Variants in INSC observed in about 807,000 individuals in gnomAD.
INSC encodes protein inscuteable homolog.
Under a neutral mutation model 58.6 loss-of-function variants are expected in INSC, and 67 were observed. The observed-to-expected ratio is 1.14, with a 90% CI of 0.94 to 1.40. The LOEUF (loss-of-function observed/expected upper bound fraction) is 1.40. INSC is among the 40% of genes most tolerant of loss of function. The pLI, the probability that INSC is intolerant of heterozygous loss-of-function variation, is 0.00. For missense variants in INSC, 714 were observed against 692.0 expected, an observed-to-expected ratio of 1.03 and a Z score of -0.36; for synonymous variants, 262 against 276.1, an observed-to-expected ratio of 0.95 and a Z score of 0.51.
At chr11:15,118,087 C>G (rs1847777284) in intron 1 of INSC, among the ~76,000 whole-genome samples, 1 of 152,202 alleles carries the variant, frequency 6.6e-6, no homozygotes, top group South Asian at 2.1e-4. Flanking sequence ...TCTCTTGGAT[C>G]TGAGCCCTCC....
At chr11:15,244,962 A>C (rs1018853787) in intron 12 of INSC, among the ~76,000 whole-genome samples, 1 of 152,202 alleles carries the variant, frequency 6.6e-6, no homozygotes, top group Admixed American at 6.5e-5. Context: ...AGGTTGCTCT[A>C]TCAGCAGATC....
intron 12 of INSC, chr11:15,241,422 A>C: frequency 1.9e-6 from 1 of 526,846 alleles, no homozygotes; most frequent in Non-Finnish European, 3.4e-6. Flanking sequence ...GTGCCGTTGT[A>C]GAAACAGTGG....
chr11:15,125,823 C>T (rs975587546), intron 1 of INSC, among the ~76,000 whole-genome samples: 2 of 152,126 alleles, frequency 1.3e-5, no homozygotes, highest in African/African-American at 4.8e-5. Flanking sequence ...GCAAGTCTCT[C>T]GGGCTCAGGA....
rs895996512 is a variant in INSC, at chr11:15,221,584, G to T, written c.927G>T (p.Leu309=). The T allele has an allele frequency of 4.3e-6, 7 of 1,613,832 alleles. No homozygotes were observed. Among genetic ancestry groups the T allele is most frequent in the Non-Finnish European group, 5.9e-6 (7 of 1,179,960 alleles). Reference sequence around the variant, plus strand: ...TGGCCCAGGTCACCTCCCCACACCTGCCCGTCACCCAGCACCTCAGTAGCT... The same window carrying T: ...TGGCCCAGGTCACCTCCCCACACCTTCCCGTCACCCAGCACCTCAGTAGCT... ...AVVAQVTSPH[L]PVTQHLSSFL... The change falls in exon 8 of 13, where the codon CTG becomes CTT. Residue 309 remains leucine (L), a synonymous_variant. Transcript: ENST00000379556.
rs1301808099 is a variant in INSC at position 15,221,650 on chromosome 11, T to C, written c.991+2T>C. The C allele has an allele frequency of 1.2e-6, 2 of 1,607,778 alleles. No homozygotes were observed. Among genetic ancestry groups the C allele is most frequent in the South Asian group, 1.1e-5 (1 of 90,374 alleles). On this transcript the variant is annotated splice_donor_variant, in intron 8 of 12. Transcript: ENST00000379556. LOFTEE classifies it high-confidence loss of function. The stretch of plus-strand genomic sequence containing the variant: ...AGGAGATCGTGACAGCCCTCGTCAG[T>C]GAGTCACCCTGGGCAGCGGGACCAC...
At chr11:15,226,613 G>A (rs554648336) in intron 9 of INSC, among the ~76,000 whole-genome samples, 4 of 152,102 alleles carry the variant, frequency 2.6e-5, no homozygotes, top group African/African-American at 9.6e-5. Context: ...TGATCCTCTC[G>A]TCCTCAACTC....
chr11:15,245,496 G>A (rs1238290390), intron 12 of INSC, among the ~76,000 whole-genome samples: 1 of 152,140 alleles, frequency 6.6e-6, no homozygotes, highest in Non-Finnish European at 1.5e-5. Context: ...CTCAGTAGCA[G>A]AATCCCTGTC....
the INSC span, among the ~76,000 whole-genome samples, chr11:15,267,764 T>G: frequency 6.6e-6 from 1 of 152,042 alleles, no homozygotes; most frequent in Non-Finnish European, 1.5e-5. Flanking sequence ...GTTTTCTTAT[T>G]ATGGGTTCTA....
At chr11:15,259,550 T>C in the INSC span, among the ~76,000 whole-genome samples, 1 of 152,222 alleles carries the variant, frequency 6.6e-6, no homozygotes, top group African/African-American at 2.4e-5. Flanking sequence ...ACTTTCATTA[T>C]TTTTGTCCAC....
At chr11:15,227,830 A>G (rs1265944643) in intron 9 of INSC, among the ~76,000 whole-genome samples, 1 of 152,148 alleles carries the variant, frequency 6.6e-6, no homozygotes, top group African/African-American at 2.4e-5. Flanking sequence ...TCTACCTGAC[A>G]TAATTTTAGG....
At chr11:15,190,171 A>G (rs777544866) in intron 5 of INSC, among the ~76,000 whole-genome samples, 11 of 152,134 alleles carry the variant, frequency 7.2e-5, no homozygotes, top group East Asian at 3.9e-4. Context: ...GGGGAGAGCA[A>G]ATGTCCAAGA....
chr11:15,249,558 G>A (rs1265183932), downstream of INSC, among the ~76,000 whole-genome samples: 2 of 152,166 alleles, frequency 1.3e-5, no homozygotes, highest in Non-Finnish European at 2.9e-5. Flanking sequence ...CCAGGCCTTA[G>A]AGAAAGGAAG....
At chr11:15,226,298 A>G (rs978635917) in intron 9 of INSC, among the ~76,000 whole-genome samples, 2 of 152,094 alleles carry the variant, frequency 1.3e-5, no homozygotes, top group African/African-American at 4.8e-5. Context: ...CTTTATCTCC[A>G]TGAGAAACAG....
At chr11:15,112,541 G>A (rs751795285), upstream of INSC, 2 of 1,610,070 alleles carry the variant, frequency 1.2e-6, no homozygotes, top group Non-Finnish European at 1.7e-6. Flanking sequence ...GGGGAGTCCA[G>A]GAGTCCAGGA....
chr11:15,240,495 G>C lies in INSC; in HGVS notation c.1442G>C (p.Ser481Thr), dbSNP rs1255799203. 1 of 1,613,926 alleles carries C rather than the reference G, an allele frequency of 6.2e-7. No homozygotes were observed. The highest frequency in any genetic ancestry group is 2.2e-5 in the East Asian group (1 of 44,838). ...TGCAGATCCCCATCAGAGAGGAACA[G>C]CAGTGACGCCGTGCTTGTGGCCTGC... ...ELCRSPSERN[S>T]SDAVLVACLA... is the part of the protein sequence containing the mutation. Residue 481 changes from serine to threonine, a missense_variant, in exon 12 of 13, where the codon AGC becomes ACC. Transcript: ENST00000379556.
At chr11:15,205,685 G>A (rs1850767631) in intron 7 of INSC, among the ~76,000 whole-genome samples, 1 of 152,168 alleles carries the variant, frequency 6.6e-6, no homozygotes, top group Non-Finnish European at 1.5e-5. Flanking sequence ...CAGGGGGGAT[G>A]AGTCCTCACA....
intron 2 of INSC, among the ~76,000 whole-genome samples, chr11:15,172,666 A>T (rs904772233): frequency 5.3e-5 from 8 of 152,234 alleles, no homozygotes; most frequent in African/African-American, 1.9e-4. Flanking sequence ...AGAAGAAAAG[A>T]GGTTTCTAAT....
intron 2 of INSC, among the ~76,000 whole-genome samples, chr11:15,174,803 C>T (rs937666850): frequency 6.6e-6 from 1 of 152,286 alleles, no homozygotes; most frequent in South Asian, 2.1e-4. Context: ...TATCTTGATT[C>T]TTTAGGCAGA....
rs561311493 is a variant in INSC at position 15,237,360 on chromosome 11, T to G, written c.1238-1559T>G. 2.6e-5 allele frequency among the ~76,000 whole-genome samples: 4 copies of G among 152,312 alleles called. No homozygotes were observed. The South Asian group carries it at 8.3e-4, about 32-fold the overall frequency. On this transcript the variant is annotated intron_variant, in intron 10 of 12. Transcript: ENST00000379556. ...TCCTGGCACTGTTGTTTACTAACCA[T>G]ATGACCTCTCTGTTTTTTCATCTGC...
Sources: allele counts gnomAD v4.1 joint callset (sites outside exome capture counted in the v4.1 genomes callset), GRCh38; gene constraint gnomAD v4.1.1; transcripts MANE v1.5; gene names NCBI Gene and HGNC (gene_info 2026-07-23, HGNC 2026-07-21).